Variants in CCDC171 observed in about 807,000 individuals in gnomAD.
The protein encoded by CCDC171 is coiled-coil domain containing 171.
Under a neutral mutation model 168.2 loss-of-function variants are expected in CCDC171, and 177 were observed. That is an observed-to-expected ratio of 1.05 (90% confidence interval 0.93 to 1.19). CCDC171 has a LOEUF of 1.19. Among genes scored for constraint, CCDC171 ranks in the 50% most tolerant of loss-of-function variants. CCDC171 has a pLI of 0.00. For synonymous variants in CCDC171, 687 were observed against 540.8 expected (o/e 1.27, Z -3.75); for missense variants, 1,991 against 1,539.0 (o/e 1.29, Z -4.91).
chr9:15,923,145 G>A (rs1159983560), intron 25 of CCDC171, among the ~76,000 whole-genome samples: 1 of 151,196 alleles, frequency 6.6e-6, no homozygotes, highest in African/African-American at 2.4e-5. Flanking sequence ...CAAGAACAAT[G>A]GCATGGAGTT....
Position 15,863,676 on chromosome 9 carries a change from A to C in CCDC171, c.3469-10856A>C, listed in dbSNP as rs556030135. ...TTCTATAACTTTATATGCACATTTA[A>C]AATAATTGATTTAAAGTACTTATGT... On this transcript the variant is annotated intron_variant, in intron 23 of 25. Coordinates refer to ENST00000380701, the MANE Select transcript of CCDC171 (RefSeq NM_173550.4). Among the ~76,000 whole-genome samples the C allele has an allele frequency of 1.2e-4, 19 of 152,100 alleles. No homozygotes were observed. The South Asian group carries it at 3.7e-3, about 30-fold the overall frequency.
intron 18 of CCDC171, among the ~76,000 whole-genome samples, chr9:15,763,991 A>AT (rs934799583): frequency 5.3e-4 from 81 of 152,158 alleles, no homozygotes; most frequent in African/African-American, 1.9e-3. Flanking sequence ...AGCCATGCAA[A>AT]TATCTGAGGG....
intron 7 of CCDC171, among the ~76,000 whole-genome samples, chr9:15,627,371 G>A (rs1429822990): frequency 6.6e-6 from 1 of 151,838 alleles, no homozygotes; most frequent in Non-Finnish European, 1.5e-5. Context: ...TTTTGTATGT[G>A]TTTGCTCTTG....
chr9:15,914,900 G>C (rs985721215), intron 24 of CCDC171, among the ~76,000 whole-genome samples: 1 of 152,110 alleles, frequency 6.6e-6, no homozygotes, highest in Non-Finnish European at 1.5e-5. Flanking sequence ...TTTGGAGAGG[G>C]AGTTCCCTGA....
intron 24 of CCDC171, among the ~76,000 whole-genome samples, chr9:15,909,017 T>C (rs750827863): frequency 1.3e-5 from 2 of 152,196 alleles, no homozygotes; most frequent in African/African-American, 4.8e-5. Flanking sequence ...TGTTTAACCA[T>C]GTATCATGGG....
chr9:15,945,003 G>T (rs1445874021), intron 25 of CCDC171, among the ~76,000 whole-genome samples: 2 of 151,946 alleles, frequency 1.3e-5, no homozygotes, highest in Admixed American at 6.6e-5. Context: ...CTAGCATTAG[G>T]TATATCTCCC....
At chr9:15,693,878 G>GA (rs1287926668) in intron 10 of CCDC171, among the ~76,000 whole-genome samples, 2 of 151,814 alleles carry the variant, frequency 1.3e-5, no homozygotes, top group African/African-American at 4.8e-5. Context: ...TTCTTACCAA[G>GA]AGAGTTGTCT....
intron 6 of CCDC171, among the ~76,000 whole-genome samples, chr9:16,023,264 A>C (rs990064619): frequency 6.6e-6 from 1 of 152,194 alleles, no homozygotes; most frequent in Admixed American, 6.5e-5. Context: ...TGTGACTCAA[A>C]TAGATTGATT....
At chr9:15,711,938 C>T (rs572284006) in intron 11 of CCDC171, among the ~76,000 whole-genome samples, 3 of 152,142 alleles carry the variant, frequency 2.0e-5, no homozygotes, top group Non-Finnish European at 2.9e-5. Flanking sequence ...CCATCTCTGG[C>T]GAGGTGGTCC....
chr9:15,951,735 A>G (rs547174606), intron 25 of CCDC171, among the ~76,000 whole-genome samples: 32 of 152,180 alleles, frequency 2.1e-4, no homozygotes, highest in Admixed American at 1.0e-3. Context: ...ATTGAGTTTT[A>G]GAAGTTTTCT....
intron 21 of CCDC171, among the ~76,000 whole-genome samples, chr9:15,824,867 G>A (rs2059947972): frequency 6.6e-6 from 1 of 152,046 alleles, no homozygotes; most frequent in Non-Finnish European, 1.5e-5. Context: ...GTACTATTAT[G>A]AAGGGGTCAT....
chr9:15,590,830 T>TTTCTTTCTTTCTTTC (rs1491053484), intron 4 of CCDC171, among the ~76,000 whole-genome samples: 2 of 146,538 alleles, frequency 1.4e-5, no homozygotes, highest in South Asian at 4.4e-4. Flanking sequence ...TCTTTCTTTC[T>TTTCTTTCTTTCTTTC]TTCTTCTTCT....
chr9:16,081,767 G>A, the CCDC171 span, among the ~76,000 whole-genome samples: 5 of 152,020 alleles, frequency 3.3e-5, no homozygotes, highest in African/African-American at 1.2e-4. Flanking sequence ...GAGCTTCTGA[G>A]GTAGGTTTGC....
At chr9:15,820,097 A>G (rs2059708065) in intron 21 of CCDC171, among the ~76,000 whole-genome samples, 2 of 118,202 alleles carry the variant, frequency 1.7e-5, no homozygotes, top group South Asian at 5.5e-4. Context: ...ACTACTGGGT[A>G]CATAACAAAA....
At chr9:15,874,446 C>T in intron 23 of CCDC171, 86 bp from the exon 24 acceptor site, 2 of 1,167,472 alleles carry the variant, frequency 1.7e-6, no homozygotes, top group Non-Finnish European at 2.3e-6. Flanking sequence ...AATGCAAGTC[C>T]ACTCAGTGGG....
At chr9:16,005,660 T>G (rs572448961) in intron 3 of CCDC171, among the ~76,000 whole-genome samples, 3 of 152,280 alleles carry the variant, frequency 2.0e-5, no homozygotes, top group Admixed American at 2.0e-4. Flanking sequence ...TAGCGTTACA[T>G]TGAATTAGGT....
chr9:16,068,851 C>T, the CCDC171 span, among the ~76,000 whole-genome samples: 3 of 152,040 alleles, frequency 2.0e-5, no homozygotes, highest in Non-Finnish European at 4.4e-5. Flanking sequence ...CTTTCTTAAA[C>T]TGCTCACTCA....
chr9:15,723,531 A>T, intron 12 of CCDC171, 150 bp from the exon 13 acceptor site: 1 of 591,122 alleles, frequency 1.7e-6, no homozygotes. Flanking sequence ...ATAATTTTTT[A>T]AAGACTCTTA....
At chr9:15,793,470 C>G (rs1458981663) in intron 21 of CCDC171, among the ~76,000 whole-genome samples, 1 of 151,170 alleles carries the variant, frequency 6.6e-6, no homozygotes, top group Admixed American at 6.6e-5. Flanking sequence ...CCAAGCGGAC[C>G]TAGTAGACCT....
Sources: allele counts gnomAD v4.1 joint callset (sites outside exome capture counted in the v4.1 genomes callset), GRCh38; gene constraint gnomAD v4.1.1; transcripts MANE v1.5; gene names NCBI Gene and HGNC (gene_info 2026-07-23, HGNC 2026-07-21).